Variants in PITPNM3 observed in about 807,000 individuals in gnomAD.
The protein encoded by PITPNM3 is membrane-associated phosphatidylinositol transfer protein 3.
In PITPNM3, 26 loss-of-function variants were observed where a neutral mutation model predicts 102.0. The ratio of observed to expected loss-of-function variants is 0.25; its 90% CI spans 0.19 to 0.35. PITPNM3 has a LOEUF of 0.35. Ranked by LOEUF, PITPNM3 falls within the 10% of genes least tolerant of loss-of-function variation. The pLI is 1.00. For missense variants in PITPNM3, 1,083 were observed against 1,346.1 expected (o/e 0.80, Z 3.06); for synonymous variants, 578 against 558.6 (o/e 1.03, Z -0.49).
At position 6,478,553 on chromosome 17, in the gene PITPNM3, A is replaced by T. The variant is rs1905457424; in HGVS notation, c.771T>A (p.Ser257Arg). 1 of 1,614,084 alleles carries T rather than the reference A, an allele frequency of 6.2e-7. No homozygotes were observed. The highest frequency in any genetic ancestry group is 1.7e-5 in the Admixed American group (1 of 60,026). Residue 257 changes from serine (S) to arginine (R), a missense_variant, in exon 7 of 20, where the codon AGT becomes AGA. Around this residue, in one of 5 missense-constraint regions of PITPNM3, gnomAD observed 290 missense variants for 337.8 expected, o/e 0.86. Transcript: ENST00000262483. The surrounding 1 kb of genome is among the most constrained non-coding windows in gnomAD (Gnocchi z 4.4). ...AGAGGGCAGGCTGTCCTACCTGCCC[A>T]CTGAAGCCAATCCCATCAGAGGACT... ...FLKSSDGIGFSGQVCLIGDCV... is the reference protein window; with the variant it reads ...FLKSSDGIGFRGQVCLIGDCV...
rs773199373 is a variant in PITPNM3 at position 6,537,953 on chromosome 17, C to A, written c.118+34G>T. The A allele has an allele frequency of 6.4e-7, 1 of 1,570,326 alleles. No homozygotes were observed. Among genetic ancestry groups the A allele is most frequent in the Non-Finnish European group, 8.8e-7 (1 of 1,141,280 alleles). On this transcript the variant is annotated intron_variant, in intron 2 of 19. Transcript: ENST00000262483. This position sits in a 1 kb window ranked among gnomAD's most constrained non-coding sequence, Gnocchi z 4.4. ...CTTCTTGAGGCTTCTAGGAAGGTCA[C>A]CCAGCCAGTGATATGAGACTGGGGT...
At position 6,533,559 on chromosome 17, in the gene PITPNM3, A is replaced by G. The variant is rs368644576; in HGVS notation, c.118+4428T>C. Among the ~76,000 whole-genome samples, 3 of 151,724 alleles carry G rather than the reference A, an allele frequency of 2.0e-5. No homozygotes were observed. In the East Asian group the frequency reaches 5.9e-4, roughly 30 times the overall value. On this transcript the variant is annotated intron_variant, in intron 2 of 19. Transcript: ENST00000262483. ...AACCTCTGCCTCCTGGGTTCAAGCG[A>G]TTCTCCTGCCTCAGTCTCCTGAGTA...
At chr17:6,490,244 C>T (rs1906374922) in intron 4 of PITPNM3, among the ~76,000 whole-genome samples, 1 of 152,130 alleles carries the variant, frequency 6.6e-6, no homozygotes, top group Admixed American at 6.5e-5. Context: ...AGGGGACACA[C>T]ACAGACTTAC....
intron 3 of PITPNM3, among the ~76,000 whole-genome samples, chr17:6,505,680 C>T (rs1202425777): frequency 1.3e-5 from 2 of 152,210 alleles, no homozygotes; most frequent in Non-Finnish European, 2.9e-5. Flanking sequence ...CTTTGACCAC[C>T]CAGCAGAGCT....
intron 2 of PITPNM3, among the ~76,000 whole-genome samples, chr17:6,533,863 T>TC (rs1909272129): frequency 1.3e-5 from 2 of 152,254 alleles, no homozygotes; most frequent in South Asian, 4.2e-4. Context: ...TGCTCCTGTA[T>TC]CCCCCACACC....
At chr17:6,474,808 A>C (rs1597370449) in intron 9 of PITPNM3, among the ~76,000 whole-genome samples, 1 of 152,220 alleles carries the variant, frequency 6.6e-6, no homozygotes, top group Admixed American at 6.5e-5. Context: ...CTAGAAAAGG[A>C]ATCAACAAAC....
intron 3 of PITPNM3, among the ~76,000 whole-genome samples, chr17:6,510,958 A>C (rs2150621258): frequency 6.6e-6 from 1 of 152,312 alleles, no homozygotes; most frequent in South Asian, 2.1e-4. Context: ...CCATTTGACT[A>C]GGAGACAGTG....
intron 1 of PITPNM3, among the ~76,000 whole-genome samples, chr17:6,553,684 G>A (rs1910440321): frequency 6.6e-6 from 1 of 152,174 alleles, no homozygotes; most frequent in Admixed American, 6.5e-5. Flanking sequence ...CTCATTCACA[G>A]GCCGGGTGCC....
chr17:6,536,631 G>A (rs1909450330), intron 2 of PITPNM3, among the ~76,000 whole-genome samples: 1 of 152,180 alleles, frequency 6.6e-6, no homozygotes, highest in African/African-American at 2.4e-5. Flanking sequence ...GAGGCATAGA[G>A]CTGGTAGGGA....
intron 3 of PITPNM3, among the ~76,000 whole-genome samples, chr17:6,524,151 C>A (rs1204386681): frequency 1.3e-5 from 2 of 152,186 alleles, no homozygotes; most frequent in Non-Finnish European, 2.9e-5. Context: ...AGGAACAGGG[C>A]AAGATGGTCA....
chr17:6,471,377 C>T, intron 11 of PITPNM3, 22 bp from the exon 12 acceptor site: 5 of 1,548,782 alleles, frequency 3.2e-6, no homozygotes, highest in Non-Finnish European at 3.5e-6. Flanking sequence ...ATTTCAAGGT[C>T]AGGCTGAGTC....
chr17:6,463,465 A>AGGGAGGG (rs1346424663), intron 17 of PITPNM3, among the ~76,000 whole-genome samples: 1 of 52,372 alleles, frequency 1.9e-5, no homozygotes, highest in African/African-American at 7.4e-5. Context: ...GAAGAAGGAA[A>AGGGAGGG]AAAGGAAGGA....
Position 6,457,476 on chromosome 17 carries a change from G to A in PITPNM3, c.2619+118C>T. Reference sequence around the variant, plus strand: ...ACCCCGAAGTGTTTGTTGAATAAATGAATGAGCAAATGGGGGAATGAACAA... The same window carrying A: ...ACCCCGAAGTGTTTGTTGAATAAATAAATGAGCAAATGGGGGAATGAACAA... On this transcript the variant is annotated intron_variant, in intron 19 of 19. Coordinates refer to ENST00000262483, the MANE Select transcript of PITPNM3 (RefSeq NM_031220.4). This position sits in a 1 kb window ranked among gnomAD's most constrained non-coding sequence, Gnocchi z 4.7. 1 of 1,512,900 alleles carries A rather than the reference G, an allele frequency of 6.6e-7. No individual in the cohort carries two copies. Among genetic ancestry groups the A allele is most frequent in the Non-Finnish European group, 9.0e-7 (1 of 1,113,330 alleles). The allele number at this position is 1,512,900 out of a possible 1,614,324, so 93.7% of individuals were successfully genotyped here. A position where few individuals can be genotyped will look rare whatever the true frequency, so the allele number is the denominator to read the frequency against.
chr17:6,523,959 A>T (rs535247931), intron 3 of PITPNM3, among the ~76,000 whole-genome samples: 1 of 152,304 alleles, frequency 6.6e-6, no homozygotes, highest in South Asian at 2.1e-4. Context: ...AAGACCAGGA[A>T]TCTGAGCCTG....
intron 3 of PITPNM3, among the ~76,000 whole-genome samples, chr17:6,511,975 G>C (rs1907891298): frequency 2.0e-5 from 3 of 152,178 alleles, no homozygotes; most frequent in African/African-American, 7.2e-5. Flanking sequence ...CAGTGATGGA[G>C]GCAGCACAGA....
chr17:6,462,203 G>A (rs995084116), intron 17 of PITPNM3, among the ~76,000 whole-genome samples: 7 of 152,308 alleles, frequency 4.6e-5, no homozygotes, highest in Middle Eastern at 3.4e-3. Flanking sequence ...ATAGCAAGGT[G>A]GTATGCTTGG....
At chr17:6,552,083 A>G (rs1910341830) in intron 1 of PITPNM3, among the ~76,000 whole-genome samples, 1 of 152,222 alleles carries the variant, frequency 6.6e-6, no homozygotes, top group East Asian at 1.9e-4. Context: ...CCGTAGGATC[A>G]GTACTTTACT....
intron 1 of PITPNM3, among the ~76,000 whole-genome samples, chr17:6,553,729 T>C (rs1481048695): frequency 1.3e-5 from 2 of 152,118 alleles, no homozygotes; most frequent in Non-Finnish European, 1.5e-5. Flanking sequence ...CAGCCCTTTG[T>C]TCCTGTGTCA....
At chr17:6,505,195 A>AATAT (rs55839764) in intron 3 of PITPNM3, among the ~76,000 whole-genome samples, 9,711 of 136,120 alleles carry the variant, frequency 0.071, 524 homozygotes, top group South Asian at 0.13. Flanking sequence ...AGACAAATAA[A>AATAT]ATATATATAT....
Sources: allele counts gnomAD v4.1 joint callset (sites outside exome capture counted in the v4.1 genomes callset), GRCh38; gene constraint gnomAD v4.1.1; regional missense constraint gnomAD v4.1.1; non-coding constraint Gnocchi (gnomAD v3.1); transcripts MANE v1.5; gene names NCBI Gene and HGNC (gene_info 2026-07-23, HGNC 2026-07-21).